Variants in TOGARAM1 observed in about 807,000 individuals in gnomAD.
TOGARAM1 encodes TOG array regulator of axonemal microtubules 1, also known as TOG array regulator of axonemal microtubules protein 1.
TOGARAM1 carries 100 observed loss-of-function variants against 166.6 expected under a neutral mutation model. That is an observed-to-expected ratio of 0.60 (90% CI 0.51 to 0.71). The LOEUF is 0.71. TOGARAM1 is among the 30% of genes least tolerant of loss of function. TOGARAM1 has a pLI of 0.00. For synonymous variants in TOGARAM1, 758 were observed against 763.8 expected (o/e 0.99, Z 0.13); for missense variants, 2,029 against 2,102.7 (o/e 0.96, Z 0.69).
At chr14:45,021,490 G>T (rs1880503996) in intron 7 of TOGARAM1, among the ~76,000 whole-genome samples, 1 of 152,172 alleles carries the variant, frequency 6.6e-6, no homozygotes, top group African/African-American at 2.4e-5. Flanking sequence ...ATATGATAAG[G>T]GAGGGCCATG....
intron 7 of TOGARAM1, among the ~76,000 whole-genome samples, chr14:45,017,406 A>AACACACAC (rs113544622): frequency 0.019 from 2,749 of 145,210 alleles, 89 homozygotes; most frequent in African/African-American, 0.063. Context: ...ATGCACACAA[A>AACACACAC]ACACACACAC....
At chr14:45,013,967 T>C (rs1048693497) in intron 7 of TOGARAM1, among the ~76,000 whole-genome samples, 5 of 152,126 alleles carry the variant, frequency 3.3e-5, no homozygotes, top group South Asian at 2.1e-4. Flanking sequence ...TCATTTAAGT[T>C]TTAGCAGAGT....
chr14:45,009,813 C>G (rs553775636), intron 6 of TOGARAM1, among the ~76,000 whole-genome samples: 1 of 152,336 alleles, frequency 6.6e-6, no homozygotes, highest in Admixed American at 6.5e-5. Context: ...TTCTGGACAG[C>G]TCTGTGACCC....
intron 1 of TOGARAM1, among the ~76,000 whole-genome samples, chr14:44,989,803 A>G (rs553814775): frequency 5.3e-5 from 8 of 152,358 alleles, no homozygotes; most frequent in Admixed American, 2.0e-4. Context: ...ACTGCTATAA[A>G]GAACTGCCCA....
chr14:44,989,079 A>G (rs907519080), intron 1 of TOGARAM1, among the ~76,000 whole-genome samples: 1 of 152,256 alleles, frequency 6.6e-6, no homozygotes, highest in African/African-American at 2.4e-5. Context: ...GTTTTAATCT[A>G]CCATTTAGGG....
intron 1 of TOGARAM1, 112 bp downstream of exon 1, chr14:44,964,579 A>G: frequency 8.0e-7 from 1 of 1,255,824 alleles, no homozygotes; most frequent in South Asian, 1.6e-5. Context: ...GCTTTGTTTT[A>G]AATTGATTTT....
rs1360395170 is a variant in TOGARAM1, at chr14:44,962,213, G to C, written c.-209G>C. 1.9e-6 allele frequency: 1 copy of C among 515,636 alleles called. No homozygotes were observed. The highest frequency in any genetic ancestry group is 3.3e-6 in the Non-Finnish European group (1 of 299,336). The allele number at this position is 515,636 out of a possible 1,614,324, so 31.9% of individuals were successfully genotyped here. On this transcript the variant is annotated 5_prime_UTR_variant, in exon 1 of 20. Transcript: ENST00000361462. ...TCACGTGGTGCCCTTGGTTACGCCC[G>C]GTGGCAGCTGTGGGGTCTAGGGCTC... is the stretch of plus-strand genomic sequence containing the variant.
intron 13 of TOGARAM1, among the ~76,000 whole-genome samples, chr14:45,045,535 CTGTG>C (rs369196409): frequency 8.5e-3 from 247 of 28,962 alleles, no homozygotes; most frequent in Non-Finnish European, 0.013. Flanking sequence ...ATTCCATGGT[CTGTG>C]TGTGTATATA....
chr14:45,025,563 CAAAAAA>C, intron 7 of TOGARAM1: 3 of 227,808 alleles, frequency 1.3e-5, no homozygotes, highest in South Asian at 5.7e-5. Flanking sequence ...GACTCCATCT[CAAAAAA>C]AAAAAAAAAA....
intron 7 of TOGARAM1, among the ~76,000 whole-genome samples, chr14:45,016,062 T>A (rs1385428659): frequency 6.7e-6 from 1 of 150,088 alleles, no homozygotes; most frequent in East Asian, 1.9e-4. Flanking sequence ...TAAAAAAAAT[T>A]TTTTTTTTTT....
At chr14:44,973,539 T>G (rs962585811) in intron 1 of TOGARAM1, among the ~76,000 whole-genome samples, 4 of 114,966 alleles carry the variant, frequency 3.5e-5, no homozygotes, top group Admixed American at 1.6e-4. Flanking sequence ...GAAAAATAAG[T>G]TTTTTTTTTA....
chr14:44,991,078 C>G (rs1163454272), intron 1 of TOGARAM1, among the ~76,000 whole-genome samples: 1 of 151,360 alleles, frequency 6.6e-6, no homozygotes, highest in Non-Finnish European at 1.5e-5. Flanking sequence ...CCCACCTCAG[C>G]CTCCTAAGTT....
chr14:44,977,749 G>C (rs756354317), intron 1 of TOGARAM1, among the ~76,000 whole-genome samples: 4 of 149,890 alleles, frequency 2.7e-5, no homozygotes, highest in African/African-American at 9.8e-5. Context: ...AGGGTCAAGC[G>C]ATTCTCCTGC....
chr14:44,970,054 C>T (rs532121893), intron 1 of TOGARAM1, among the ~76,000 whole-genome samples: 144 of 152,260 alleles, frequency 9.5e-4, no homozygotes, highest in African/African-American at 3.3e-3. Context: ...ACTTTAGAAT[C>T]AGTTTGTTGA....
chr14:45,034,755 T>TA (rs1336739247), intron 11 of TOGARAM1, among the ~76,000 whole-genome samples: 1 of 152,174 alleles, frequency 6.6e-6, no homozygotes, highest in Non-Finnish European at 1.5e-5. Flanking sequence ...TTATTTGAAA[T>TA]ACATTTTCAA....
At chr14:44,990,927 G>A (rs1051312248) in intron 1 of TOGARAM1, among the ~76,000 whole-genome samples, 3 of 146,506 alleles carry the variant, frequency 2.0e-5, no homozygotes, top group Non-Finnish European at 4.5e-5. Flanking sequence ...GGGATTACAG[G>A]TGTGAGCCAC....
chr14:45,037,143 C>T (rs1480447657), intron 11 of TOGARAM1, among the ~76,000 whole-genome samples: 3 of 152,160 alleles, frequency 2.0e-5, no homozygotes, highest in African/African-American at 7.2e-5. Flanking sequence ...CAGCCAGGGA[C>T]CCTCTCATCT....
chr14:45,044,103 A>C (rs1261051517), intron 12 of TOGARAM1, among the ~76,000 whole-genome samples: 2 of 151,944 alleles, frequency 1.3e-5, no homozygotes, highest in Non-Finnish European at 2.9e-5. Context: ...TTCTCCTCCT[A>C]GGTTCAAGAG....
At chr14:45,059,250 C>T (rs1882789119) in intron 16 of TOGARAM1, among the ~76,000 whole-genome samples, 1 of 151,990 alleles carries the variant, frequency 6.6e-6, no homozygotes, top group Non-Finnish European at 1.5e-5. Context: ...AATATGTTGC[C>T]CAGGATGGAC....
Sources: allele counts gnomAD v4.1 joint callset (sites outside exome capture counted in the v4.1 genomes callset), GRCh38; gene constraint gnomAD v4.1.1; transcripts MANE v1.5; gene names NCBI Gene and HGNC (gene_info 2026-07-23, HGNC 2026-07-21).